MED12L: variants seen among roughly 807,000 people sequenced by gnomAD.
MED12L encodes mediator of RNA polymerase II transcription subunit 12-like protein.
A neutral mutation model predicts 281.3 loss-of-function variants in MED12L; 60 were observed. The observed-to-expected ratio is 0.21, with a 90% confidence interval of 0.17 to 0.26. The LOEUF (loss-of-function observed/expected upper bound fraction) is 0.26. Among genes scored for constraint, MED12L ranks in the 10% least tolerant of loss-of-function variants. The pLI, the probability that MED12L is intolerant of heterozygous loss-of-function variation, is 1.00. For missense variants in MED12L, 2,146 were observed against 2,680.9 expected (o/e 0.80, Z 4.41); for synonymous variants, 974 against 987.2 (o/e 0.99, Z 0.25).
At position 151,121,933 on chromosome 3, in the gene MED12L, C is replaced by T. The variant is rs891667; in HGVS notation, c.205-850C>T. On this transcript the variant is annotated intron_variant, in intron 3 of 44. Coordinates refer to ENST00000687756, the MANE Select transcript of MED12L (RefSeq NM_001393769.1). ...TTCACTGTGTTGGCCAGGCTGGTCT[C>T]GAACTCTTGACCTCAGGTGATCCGC... 1.2e-4 allele frequency among the ~76,000 whole-genome samples: 18 copies of T among 151,748 alleles called. No individual in the cohort carries two copies. The South Asian group carries it at 1.5e-3, about 12-fold the overall frequency.
chr3:151,331,772 A>G (rs1453359544), intron 16 of MED12L, among the ~76,000 whole-genome samples: 1 of 152,208 alleles, frequency 6.6e-6, no homozygotes, highest in Non-Finnish European at 1.5e-5. Flanking sequence ...AAGTGATTAT[A>G]TTATCTTATT....
At chr3:151,355,327 A>G in intron 18 of MED12L, 88 bp downstream of exon 18, 1 of 789,866 alleles carries the variant, frequency 1.3e-6, no homozygotes, top group Non-Finnish European at 2.1e-6. Flanking sequence ...CTCAACCTTA[A>G]TGGTTTTAGA....
At chr3:151,289,772 T>C (rs1424347906) in intron 16 of MED12L, among the ~76,000 whole-genome samples, 1 of 152,190 alleles carries the variant, frequency 6.6e-6, no homozygotes, top group East Asian at 1.9e-4. Flanking sequence ...GAACCTAGTA[T>C]CTATTTGCAG....
At chr3:151,333,206 C>T (rs1379118210) in intron 16 of MED12L, among the ~76,000 whole-genome samples, 1 of 152,174 alleles carries the variant, frequency 6.6e-6, no homozygotes, top group Non-Finnish European at 1.5e-5. Flanking sequence ...GTGATGAACA[C>T]ACACATGCAT....
At chr3:151,120,194 C>T (rs897189551) in intron 3 of MED12L, among the ~76,000 whole-genome samples, 1 of 151,404 alleles carries the variant, frequency 6.6e-6, no homozygotes, top group East Asian at 1.9e-4. Context: ...CCAGTGCATT[C>T]TAGCCTGGAT....
At chr3:151,334,192 C>A (rs201163540) in intron 16 of MED12L, among the ~76,000 whole-genome samples, 1 of 99,442 alleles carries the variant, frequency 1.0e-5, no homozygotes, top group Non-Finnish European at 1.9e-5. Context: ...TTCTTTCTTT[C>A]TTTCTTTTTT....
intron 16 of MED12L, chr3:151,337,582 T>C (rs1345331213): frequency 2.0e-6 from 1 of 492,328 alleles, no homozygotes; most frequent in Non-Finnish European, 3.6e-6. Context: ...AGCATGACAA[T>C]TGGATGTCGT....
chr3:151,398,681 T>G (rs1309878271), intron 39 of MED12L, among the ~76,000 whole-genome samples: 1 of 152,204 alleles, frequency 6.6e-6, no homozygotes, highest in East Asian at 1.9e-4. Context: ...AAACCTGTTT[T>G]CATTCTTCTT....
At chr3:151,269,839 GA>G in intron 16 of MED12L, 1 of 446,424 alleles carries the variant, frequency 2.2e-6, no homozygotes, top group Non-Finnish European at 4.4e-6. Context: ...GTCAAACGCA[GA>G]GTAAAGTCAG....
At chr3:151,410,821 A>G (rs1464029929) in intron 40 of MED12L, among the ~76,000 whole-genome samples, 1 of 152,224 alleles carries the variant, frequency 6.6e-6, no homozygotes, top group African/African-American at 2.4e-5. Context: ...GTGTAGTCAC[A>G]TACTGGAAAA....
At chr3:151,309,381 CT>C (rs766799844) in intron 16 of MED12L, among the ~76,000 whole-genome samples, 2 of 152,104 alleles carry the variant, frequency 1.3e-5, no homozygotes, top group Non-Finnish European at 2.9e-5. Flanking sequence ...ATTCACATTT[CT>C]TTTCTTGATG....
At chr3:151,412,406 T>C (rs1157706635) in intron 41 of MED12L, among the ~76,000 whole-genome samples, 1 of 152,164 alleles carries the variant, frequency 6.6e-6, no homozygotes, top group Non-Finnish European at 1.5e-5. Flanking sequence ...AGAGAAAACA[T>C]TGCAGCCATC....
At position 151,431,525 on chromosome 3, in the gene MED12L, A is replaced by T. The variant is rs559532839; in HGVS notation, c.6490+1145A>T. 5.3e-5 allele frequency among the ~76,000 whole-genome samples: 8 copies of T among 152,240 alleles called. No individual in the cohort carries two copies. In the South Asian group the frequency reaches 1.5e-3, roughly 28 times the overall value. On this transcript the variant is annotated intron_variant, in intron 44 of 44. Coordinates refer to ENST00000687756, the MANE Select transcript of MED12L (RefSeq NM_001393769.1). ...ATTTAATGTCAGTTAAATCAAGTAA[A>T]TCTTCATTTCTAGCTACTGTTTACT... is the stretch of plus-strand genomic sequence containing the variant.
At chr3:151,227,106 G>A (rs1453150315) in intron 16 of MED12L, among the ~76,000 whole-genome samples, 3 of 152,206 alleles carry the variant, frequency 2.0e-5, no homozygotes, top group South Asian at 2.1e-4. Flanking sequence ...GTGACCCATC[G>A]ACTTTACCTT....
Position 151,165,440 on chromosome 3 carries a change from A to G in MED12L, c.1278A>G (p.Glu426=), listed in dbSNP as rs750510367. ...TTCAGGTTCGGGCAAGGATTTATGA[A>G]GTAGAACAACAGATAAAACAAAGAG... ...FNQQVRARIY[E]VEQQIKQRGR... is the part of the protein sequence containing the mutation. The change falls in exon 10 of 45, where the codon GAA becomes GAG. Residue 426 remains glutamate (E), a synonymous_variant. Transcript: ENST00000687756. 3 of 1,614,014 alleles carry G rather than the reference A, an allele frequency of 1.9e-6. No individual in the cohort carries two copies. Among genetic ancestry groups the G allele is most frequent in the Non-Finnish European group, 2.5e-6 (3 of 1,179,876 alleles).
At chr3:151,198,692 T>G in intron 16 of MED12L, 3 of 1,614,084 alleles carry the variant, frequency 1.9e-6, no homozygotes, top group Non-Finnish European at 2.5e-6. Context: ...GCATATGATG[T>G]AGCCCGTGGT....
intron 16 of MED12L, among the ~76,000 whole-genome samples, chr3:151,341,760 G>A (rs1013638727): frequency 4.7e-5 from 7 of 148,606 alleles, no homozygotes; most frequent in Non-Finnish European, 7.4e-5. Flanking sequence ...CCAGAGTGTA[G>A]TGTTTCCCTT....
At chr3:151,108,462 C>G (rs1711496477) in intron 2 of MED12L, among the ~76,000 whole-genome samples, 1 of 152,120 alleles carries the variant, frequency 6.6e-6, no homozygotes, top group Non-Finnish European at 1.5e-5. Context: ...CCCAGTTTCC[C>G]AAACTGGGGT....
chr3:151,387,697 C>A (rs545394551), intron 36 of MED12L, 113 bp from the exon 37 acceptor site: 1 of 1,311,640 alleles, frequency 7.6e-7, no homozygotes, highest in African/African-American at 1.5e-5. Flanking sequence ...TTCTCGGGTT[C>A]TCTAGGGCTC....
Sources: gnomAD v4.1 joint callset for allele counts (sites outside exome capture counted in the v4.1 genomes callset) on GRCh38, gnomAD v4.1.1 for gene constraint, MANE v1.5 for transcripts, NCBI Gene and HGNC (gene_info 2026-07-23, HGNC 2026-07-21) for gene names.